The following RFX3 variants were observed in gnomAD, a reference collection of about 807,000 sequenced individuals.
RFX3 encodes regulatory factor X3, also known as transcription factor RFX3.
A neutral mutation model predicts 98.6 loss-of-function variants in RFX3; 14 were observed. The ratio of observed to expected loss-of-function variants is 0.14; its 90% confidence interval spans 0.09 to 0.22. RFX3 has a LOEUF of 0.22. Ranked by LOEUF, RFX3 falls within the 10% of genes least tolerant of loss-of-function variation. The pLI is 1.00. For missense variants in RFX3, 639 were observed against 926.9 expected (o/e 0.69, Z 4.03); for synonymous variants, 383 against 328.4 (o/e 1.17, Z -1.80).
intron 1 of RFX3, among the ~76,000 whole-genome samples, chr9:3,414,688 ATG>A (rs1491123315): frequency 9.0e-5 from 12 of 132,868 alleles, no homozygotes; most frequent in African/African-American, 2.7e-4. Context: ...ATGAGTATAT[ATG>A]TATATATGAG....
intron 1 of RFX3, among the ~76,000 whole-genome samples, chr9:3,424,920 A>C (rs766791176): frequency 6.6e-6 from 1 of 152,172 alleles, no homozygotes; most frequent in Non-Finnish European, 1.5e-5. Context: ...AGAGAGTAGG[A>C]TGCCTTAATA....
At chr9:3,293,595 T>C (rs894450077) in intron 5 of RFX3, among the ~76,000 whole-genome samples, 2 of 152,138 alleles carry the variant, frequency 1.3e-5, no homozygotes, top group African/African-American at 4.8e-5. Flanking sequence ...GTCATAAATA[T>C]CAGAAATATG....
intron 2 of RFX3, among the ~76,000 whole-genome samples, chr9:3,351,732 T>A (rs929296098): frequency 7.9e-5 from 12 of 151,974 alleles, no homozygotes; most frequent in African/African-American, 2.9e-4. Flanking sequence ...CATAATCAGA[T>A]AACTTCAAAT....
At chr9:3,367,498 T>G (rs986712275) in intron 2 of RFX3, among the ~76,000 whole-genome samples, 2 of 152,206 alleles carry the variant, frequency 1.3e-5, no homozygotes, top group African/African-American at 4.8e-5. Flanking sequence ...CCCAGACTTA[T>G]GACCTCCAAA....
chr9:3,515,583 T>C (rs1818075389), intron 1 of RFX3, among the ~76,000 whole-genome samples: 1 of 152,188 alleles, frequency 6.6e-6, no homozygotes, highest in Admixed American at 6.5e-5. Context: ...AAACAGGATA[T>C]GATTCCTAAA....
chr9:3,327,307 G>A (rs139918350), intron 4 of RFX3, among the ~76,000 whole-genome samples: 16 of 152,048 alleles, frequency 1.1e-4, no homozygotes, highest in Middle Eastern at 3.4e-3. Context: ...TAGGTTTCAC[G>A]GCACTTCAAC....
intron 2 of RFX3, among the ~76,000 whole-genome samples, chr9:3,384,428 G>T (rs922492505): frequency 2.6e-5 from 4 of 152,172 alleles, no homozygotes; most frequent in Admixed American, 6.5e-5. Context: ...AGCACAGGCT[G>T]TCAAGACCAA....
intron 1 of RFX3, among the ~76,000 whole-genome samples, chr9:3,496,828 T>C (rs1217342417): frequency 2.0e-5 from 3 of 151,956 alleles, no homozygotes; most frequent in Non-Finnish European, 2.9e-5. Flanking sequence ...GCAAGATGCA[T>C]CAGATTAAAA....
intron 2 of RFX3, among the ~76,000 whole-genome samples, chr9:3,381,570 T>C (rs1050399566): frequency 2.0e-5 from 3 of 152,166 alleles, no homozygotes; most frequent in East Asian, 3.8e-4. Context: ...GATTCACAAA[T>C]GGGACAATGC....
intron 1 of RFX3, among the ~76,000 whole-genome samples, chr9:3,458,474 T>C (rs763315657): frequency 1.3e-5 from 2 of 152,134 alleles, no homozygotes; most frequent in Non-Finnish European, 2.9e-5. Flanking sequence ...AATAAAAGGA[T>C]TCAGATCAGA....
chr9:3,344,942 A>G (rs1427246183), intron 3 of RFX3: 1 of 669,356 alleles, frequency 1.5e-6, no homozygotes, highest in Non-Finnish European at 2.7e-6. Flanking sequence ...GTAAAGAGGT[A>G]TAGATTTAAT....
intron 3 of RFX3, among the ~76,000 whole-genome samples, chr9:3,337,314 A>G (rs980721969): frequency 6.6e-6 from 1 of 152,226 alleles, no homozygotes; most frequent in Non-Finnish European, 1.5e-5. Context: ...AACTAGACTG[A>G]GGAAATAACT....
At chr9:3,377,930 A>G (rs1268381973) in intron 2 of RFX3, among the ~76,000 whole-genome samples, 3 of 152,184 alleles carry the variant, frequency 2.0e-5, no homozygotes, top group Non-Finnish European at 4.4e-5. Context: ...TTAGTTAAAA[A>G]TATTTACTTA....
rs925893010 is a variant in RFX3, at chr9:3,220,794, C to G, written c.*4248G>C. On this transcript the variant is annotated 3_prime_UTR_variant, in exon 17 of 17. Coordinates refer to ENST00000617270, the MANE Select transcript of RFX3 (RefSeq NM_001282116.2). ...CAAGGCATTACATCAAAGGGGTTTT[C>G]TAATACTAGAACTAAGCACTGAATT... 1.3e-5 allele frequency: 2 copies of G among 152,144 alleles called. No homozygotes were observed. Among genetic ancestry groups the G allele is most frequent in the Non-Finnish European group, 2.9e-5 (2 of 68,026 alleles). The allele number at this position is 152,144 out of a possible 1,614,324, so 9.4% of individuals were successfully genotyped here. A position where few individuals can be genotyped will look rare whatever the true frequency, so the allele number is the denominator to read the frequency against.
chr9:3,314,940 C>G (rs1306232979), intron 4 of RFX3, among the ~76,000 whole-genome samples: 1 of 152,068 alleles, frequency 6.6e-6, no homozygotes, highest in East Asian at 1.9e-4. Context: ...CTTTAGCACC[C>G]CACTGTCAAC....
At chr9:3,445,205 G>C (rs1008916280) in intron 1 of RFX3, among the ~76,000 whole-genome samples, 6 of 150,178 alleles carry the variant, frequency 4.0e-5, no homozygotes, top group African/African-American at 1.5e-4. Flanking sequence ...GTTTTCAAAT[G>C]TGTATTTGTC....
At chr9:3,249,260 T>C (rs1586734041) in intron 14 of RFX3, among the ~76,000 whole-genome samples, 1 of 152,184 alleles carries the variant, frequency 6.6e-6, no homozygotes, top group South Asian at 2.1e-4. Flanking sequence ...CTTGTTTAAA[T>C]AGAGGCTACT....
intron 1 of RFX3, among the ~76,000 whole-genome samples, chr9:3,505,174 A>G (rs1816812321): frequency 1.0e-5 from 1 of 97,122 alleles, no homozygotes; most frequent in African/African-American, 4.3e-5. Context: ...TTTTATATTC[A>G]TATAAATATA....
intron 9 of RFX3, among the ~76,000 whole-genome samples, chr9:3,272,418 A>T (rs561572312): frequency 6.6e-6 from 1 of 152,318 alleles, no homozygotes; most frequent in South Asian, 2.1e-4. Context: ...CCAATGTATG[A>T]TACACACAAT....
Sources: gnomAD v4.1 joint callset for allele counts (sites outside exome capture counted in the v4.1 genomes callset) on GRCh38, gnomAD v4.1.1 for gene constraint, MANE v1.5 for transcripts, NCBI Gene and HGNC (gene_info 2026-07-23, HGNC 2026-07-21) for gene names.